Variants in SH3D19 observed in about 807,000 individuals in gnomAD.
SH3D19 encodes the protein SH3 domain containing 19.
Under a neutral mutation model 112.1 loss-of-function variants are expected in SH3D19, and 58 were observed. The ratio of observed to expected loss-of-function variants is 0.52; its 90% confidence interval spans 0.42 to 0.64. The LOEUF is 0.64. Ranked by LOEUF, SH3D19 falls within the 30% of genes least tolerant of loss-of-function variation. The pLI, the probability that SH3D19 is intolerant of heterozygous loss-of-function variation, is 0.00. For missense variants in SH3D19, 1,090 were observed against 1,263.4 expected, an observed-to-expected ratio of 0.86 and a Z score of 2.08; for synonymous variants, 391 against 448.5, an observed-to-expected ratio of 0.87 and a Z score of 1.62.
chr4:151,150,258 T>C (rs1189661380), intron 9 of SH3D19, among the ~76,000 whole-genome samples: 7 of 122,128 alleles, frequency 5.7e-5, no homozygotes, highest in East Asian at 5.0e-4. Flanking sequence ...TATACACACA[T>C]ATATATACAT....
At chr4:151,220,977 A>G (rs1018149515) in intron 2 of SH3D19, among the ~76,000 whole-genome samples, 3 of 152,258 alleles carry the variant, frequency 2.0e-5, no homozygotes, top group Non-Finnish European at 2.9e-5. Context: ...TATTTCTCAC[A>G]TGTGTATCAA....
In SH3D19 at chr4:151,150,344, CAT is replaced by C. The variant is rs143319190; in HGVS notation, c.1756-785_1756-784del. Among the ~76,000 whole-genome samples, 269 of 142,338 alleles carry C rather than the reference CAT, an allele frequency of 1.9e-3. 2 individuals carry two copies. Among genetic ancestry groups the C allele is most frequent in the African/African-American group, 5.3e-3 (206 of 38,854 alleles). The allele number at this position is 142,338 out of a possible 152,430, so 93.4% of individuals were successfully genotyped here. A position where few individuals can be genotyped will look rare whatever the true frequency, so the allele number is the denominator to read the frequency against. On this transcript the variant is annotated intron_variant, in intron 9 of 19. Coordinates refer to ENST00000604030, the MANE Select transcript of SH3D19 (RefSeq NM_001378122.1). ...ATACATATATATATATATACACACA[CAT>C]ATATATATATACATGCTCTTTATTC... is the stretch of plus-strand genomic sequence containing the variant.
intron 3 of SH3D19, among the ~76,000 whole-genome samples, chr4:151,183,054 C>T (rs61442068): frequency 0.089 from 13,380 of 150,070 alleles, 865 homozygotes; most frequent in East Asian, 0.19. Context: ...TGCAGTGGCA[C>T]GACCTTGGCT....
chr4:151,258,522 C>T (rs762876706), intron 1 of SH3D19, among the ~76,000 whole-genome samples: 18 of 152,232 alleles, frequency 1.2e-4, no homozygotes, highest in Non-Finnish European at 2.2e-4. Flanking sequence ...ACTTGTTCAA[C>T]ACCAGGGTCA....
intron 1 of SH3D19, among the ~76,000 whole-genome samples, chr4:151,242,693 CTT>C (rs1388368407): frequency 3.9e-5 from 6 of 152,100 alleles, no homozygotes; most frequent in Non-Finnish European, 8.8e-5. Flanking sequence ...TTTTATATGA[CTT>C]TATATAATTC....
At chr4:151,149,439 TAA>T (rs1561232924) in intron 10 of SH3D19, 59 bp downstream of exon 10, 2 of 1,350,808 alleles carry the variant, frequency 1.5e-6, no homozygotes, top group African/African-American at 1.4e-5. Flanking sequence ...ATCTTGGTGA[TAA>T]AAAAGAGTTG....
At chr4:151,239,729 G>A (rs1454806414) in intron 1 of SH3D19, among the ~76,000 whole-genome samples, 5 of 151,948 alleles carry the variant, frequency 3.3e-5, no homozygotes, top group African/African-American at 1.2e-4. Flanking sequence ...AGAGATAGAA[G>A]ACATAAAAAT....
chr4:151,279,658 C>A (rs1773993187), intron 1 of SH3D19: 1 of 736,702 alleles, frequency 1.4e-6, no homozygotes. Context: ...GGGTGTGGAA[C>A]CAGAATAGGA....
chr4:151,262,362 T>C (rs1348226839), intron 1 of SH3D19: 5 of 152,372 alleles, frequency 3.3e-5, no homozygotes, highest in South Asian at 2.1e-4. Context: ...GTGCCCCTCA[T>C]TGATCTCCAG....
At chr4:151,258,188 C>T (rs533341811) in intron 1 of SH3D19, among the ~76,000 whole-genome samples, 1 of 152,308 alleles carries the variant, frequency 6.6e-6, no homozygotes, top group East Asian at 1.9e-4. Flanking sequence ...AACACAATAT[C>T]CTTAACACAA....
chr4:151,236,354 A>G (rs1235222099), intron 1 of SH3D19, among the ~76,000 whole-genome samples: 1 of 152,200 alleles, frequency 6.6e-6, no homozygotes, highest in African/African-American at 2.4e-5. Context: ...GCTGGGCTTG[A>G]TTGGGGGATG....
chr4:151,322,864 G>C (rs1206634625), intron 1 of SH3D19, among the ~76,000 whole-genome samples: 1 of 152,058 alleles, frequency 6.6e-6, no homozygotes, highest in Non-Finnish European at 1.5e-5. Flanking sequence ...CCACTTAAAT[G>C]ATCTTAAAAA....
chr4:151,187,371 T>A, intron 3 of SH3D19, 52 bp downstream of exon 3: 1 of 1,048,872 alleles, frequency 9.5e-7, no homozygotes, highest in Non-Finnish European at 1.2e-6. Flanking sequence ...ATCTAAATCA[T>A]CACTTAAAAT....
At position 151,176,557 on chromosome 4, in the gene SH3D19, T is replaced by G; in HGVS notation, c.506A>C (p.Glu169Ala). The part of the protein sequence containing the change: ...TSATQTDFSE[E>A]IDNDLPQTLQ... ...ACTTTGAGGCAGATCGTTGTCTATT[T>G]CTTCTGAAAAGTCAGTCTGAGTTGC... Residue 169 changes from glutamate to alanine, a missense_variant, in exon 6 of 20, where the codon GAA becomes GCA. Glu to Ala is a moderately radical substitution (Grantham distance 107, BLOSUM62 -1). Transcript: ENST00000604030. 2 of 1,232,164 alleles carry G rather than the reference T, an allele frequency of 1.6e-6. No individual in the cohort carries two copies. The highest frequency in any genetic ancestry group is 2.0e-6 in the Non-Finnish European group (2 of 987,952). The allele number at this position is 1,232,164 out of a possible 1,614,324, so 76.3% of individuals were successfully genotyped here. A position where few individuals can be genotyped will look rare whatever the true frequency, so the allele number is the denominator to read the frequency against.
chr4:151,302,703 G>A (rs762554823), intron 1 of SH3D19, among the ~76,000 whole-genome samples: 1 of 152,198 alleles, frequency 6.6e-6, no homozygotes, highest in Admixed American at 6.5e-5. Context: ...TACTGTCAAT[G>A]AAGAATCTGA....
At chr4:151,255,368 G>A (rs1419435335) in intron 1 of SH3D19, among the ~76,000 whole-genome samples, 2 of 150,632 alleles carry the variant, frequency 1.3e-5, no homozygotes, top group African/African-American at 4.9e-5. Flanking sequence ...CCGGGCAGAG[G>A]TGCTCCTCAC....
At chr4:151,318,730 T>C (rs1730258498) in intron 1 of SH3D19, among the ~76,000 whole-genome samples, 1 of 152,216 alleles carries the variant, frequency 6.6e-6, no homozygotes, top group Non-Finnish European at 1.5e-5. Context: ...GCAATAGGAT[T>C]TACTATTATT....
At chr4:151,298,474 C>A (rs1289588509) in intron 1 of SH3D19, among the ~76,000 whole-genome samples, 1 of 152,176 alleles carries the variant, frequency 6.6e-6, no homozygotes, top group East Asian at 1.9e-4. Context: ...CCGCGCCCAG[C>A]CAAATTCACG....
intron 1 of SH3D19, among the ~76,000 whole-genome samples, chr4:151,258,615 C>G (rs1482789684): frequency 6.6e-6 from 1 of 152,222 alleles, no homozygotes; most frequent in Non-Finnish European, 1.5e-5. Context: ...CACCCTCAGG[C>G]TGAATCCCAG....
Sources: gnomAD v4.1 joint callset for allele counts (sites outside exome capture counted in the v4.1 genomes callset) on GRCh38, gnomAD v4.1.1 for gene constraint, MANE v1.5 for transcripts, NCBI Gene and HGNC (gene_info 2026-07-23, HGNC 2026-07-21) for gene names.